Variants in CBX1 observed in about 807,000 individuals in gnomAD.
CBX1 encodes the protein chromobox 1.
A neutral mutation model predicts 25.1 loss-of-function variants in CBX1; 10 were observed. That is an observed-to-expected ratio of 0.40 (90% confidence interval 0.25 to 0.68). The LOEUF is 0.68. CBX1 is among the 30% of genes least tolerant of loss of function. The pLI, the probability that CBX1 is intolerant of heterozygous loss-of-function variation, is 0.40. For synonymous variants in CBX1, 63 were observed against 79.4 expected (o/e 0.79, Z 1.10); for missense variants, 106 against 218.5 (o/e 0.49, Z 3.25).
intron 1 of CBX1, among the ~76,000 whole-genome samples, chr17:48,078,079 A>C (rs973822290): frequency 2.6e-5 from 4 of 152,206 alleles, no homozygotes; most frequent in Non-Finnish European, 5.9e-5. Flanking sequence ...TCTCAAAAAA[A>C]AAAGAAAAGC....
At chr17:48,076,319 T>C (rs960926112) in intron 2 of CBX1, 141 bp from the exon 3 acceptor site, 6 of 592,372 alleles carry the variant, frequency 1.0e-5, no homozygotes, top group African/African-American at 3.7e-5. Flanking sequence ...TTAGTATAAA[T>C]AGAAAGCTAA....
At chr17:48,088,514 G>C (rs1310915607) in intron 1 of CBX1, among the ~76,000 whole-genome samples, 2 of 151,688 alleles carry the variant, frequency 1.3e-5, no homozygotes, top group Admixed American at 1.3e-4. Flanking sequence ...AGCTATTCAG[G>C]AGGCTGAGGC....
intron 1 of CBX1, among the ~76,000 whole-genome samples, chr17:48,095,343 A>G (rs1466882938): frequency 1.3e-5 from 2 of 152,052 alleles, no homozygotes; most frequent in Non-Finnish European, 2.9e-5. Flanking sequence ...TAATCCCAGC[A>G]CTTTGGGAGG....
chr17:48,072,994 C>T (rs1284621241), intron 4 of CBX1, among the ~76,000 whole-genome samples: 1 of 151,756 alleles, frequency 6.6e-6, no homozygotes, highest in Non-Finnish European at 1.5e-5. Flanking sequence ...TGGTGGCGTG[C>T]GCCTGTAATC....
At chr17:48,093,892 G>A (rs1567770000) in intron 1 of CBX1, among the ~76,000 whole-genome samples, 1 of 152,098 alleles carries the variant, frequency 6.6e-6, no homozygotes, top group Admixed American at 6.6e-5. Context: ...GGCTGAGGCA[G>A]GCGAATTACC....
chr17:48,088,936 A>G (rs2063327860), intron 1 of CBX1, among the ~76,000 whole-genome samples: 1 of 151,866 alleles, frequency 6.6e-6, no homozygotes, highest in South Asian at 2.1e-4. Flanking sequence ...AAATCACACC[A>G]CTGCACTCCA....
chr17:48,087,943 T>C (rs1317313253), intron 1 of CBX1, among the ~76,000 whole-genome samples: 1 of 149,858 alleles, frequency 6.7e-6, no homozygotes, highest in East Asian at 2.0e-4. Flanking sequence ...CCACAGCGAA[T>C]ACATGAGGAA....
chr17:48,098,148 G>A (rs930804815), intron 1 of CBX1, among the ~76,000 whole-genome samples: 1 of 152,098 alleles, frequency 6.6e-6, no homozygotes, highest in Non-Finnish European at 1.5e-5. Context: ...CTACTCAAGA[G>A]GCTGTGGTGG....
intron 1 of CBX1, among the ~76,000 whole-genome samples, chr17:48,091,614 C>T (rs1336422002): frequency 6.8e-6 from 1 of 146,896 alleles, no homozygotes; most frequent in Non-Finnish European, 1.5e-5. Flanking sequence ...GATCTTGGCT[C>T]ACCGCAACTT....
intron 1 of CBX1, among the ~76,000 whole-genome samples, chr17:48,081,583 C>T (rs565771784): frequency 2.6e-5 from 4 of 152,218 alleles, no homozygotes; most frequent in South Asian, 2.1e-4. Flanking sequence ...GGATTACAGG[C>T]GCTCACCACC....
At chr17:48,071,650 G>C in intron 4 of CBX1, 71 bp from the exon 5 acceptor site, 1 of 1,306,584 alleles carries the variant, frequency 7.7e-7, no homozygotes, top group South Asian at 1.8e-5. Context: ...ATAACCCAGG[G>C]GACAGTGCTT....
At chr17:48,097,254 C>CA (rs2063380673) in intron 1 of CBX1, among the ~76,000 whole-genome samples, 1 of 140,588 alleles carries the variant, frequency 7.1e-6, no homozygotes, top group Non-Finnish European at 1.5e-5. Flanking sequence ...AACTCCGTCT[C>CA]AAAAAAAGAA....
chr17:48,072,464 T>G (rs1444489381), intron 4 of CBX1, among the ~76,000 whole-genome samples: 2 of 151,968 alleles, frequency 1.3e-5, no homozygotes, highest in Non-Finnish European at 2.9e-5. Context: ...GAGTAGAAAA[T>G]GAGGGAGCTG....
At chr17:48,095,211 TTC>T (rs1374070855) in intron 1 of CBX1, among the ~76,000 whole-genome samples, 3 of 152,180 alleles carry the variant, frequency 2.0e-5, no homozygotes, top group Admixed American at 6.5e-5. Flanking sequence ...TCCCAAAGCA[TTC>T]TGTTTCTATT....
At chr17:48,077,445 G>GTTTTTTTTTTT (rs796350669) in intron 1 of CBX1, among the ~76,000 whole-genome samples, 12 of 52,406 alleles carry the variant, frequency 2.3e-4, no homozygotes, top group East Asian at 2.6e-3. Flanking sequence ...TTTTTTTTTT[G>GTTTTTTTTTTT]TTTTTTTTGT....
intron 1 of CBX1, among the ~76,000 whole-genome samples, chr17:48,099,894 A>T (rs573321356): frequency 6.6e-6 from 1 of 152,144 alleles, no homozygotes; most frequent in Non-Finnish European, 1.5e-5. Flanking sequence ...TAATCCCAGC[A>T]CTTTGGGAGG....
chr17:48,075,195 C>CTT, intron 3 of CBX1, 95 bp from the exon 4 acceptor site: 1 of 728,760 alleles, frequency 1.4e-6, no homozygotes, highest in Non-Finnish European at 2.3e-6. Context: ...TAATCACAAA[C>CTT]TCTTTTTTTT....
chr17:48,076,224 A>G (rs759555281), intron 2 of CBX1, 46 bp from the exon 3 acceptor site: 55 of 1,393,176 alleles, frequency 3.9e-5, no homozygotes, highest in East Asian at 3.6e-4. Flanking sequence ...TCAAATAAGT[A>G]TACTCATACT....
chr17:48,072,137 A>G (rs2037630231), intron 4 of CBX1, among the ~76,000 whole-genome samples: 1 of 151,506 alleles, frequency 6.6e-6, no homozygotes, highest in African/African-American at 2.4e-5. Flanking sequence ...AGCTGGAATT[A>G]TAGGTGTGCG....
Sources: allele counts gnomAD v4.1 joint callset (sites outside exome capture counted in the v4.1 genomes callset), GRCh38; gene constraint gnomAD v4.1.1; transcripts MANE v1.5; gene names NCBI Gene and HGNC (gene_info 2026-07-23, HGNC 2026-07-21).